Variants in CEP63 observed in about 807,000 individuals in gnomAD.
CEP63 encodes the protein centrosomal protein 63.
Under a neutral mutation model 89.1 loss-of-function variants are expected in CEP63, and 84 were observed. The observed-to-expected ratio is 0.94, with a 90% CI of 0.79 to 1.13. The LOEUF is 1.13. Among genes scored for constraint, CEP63 ranks in the 50% most tolerant of loss-of-function variants. The pLI is 0.00. For missense variants in CEP63, 838 were observed against 813.3 expected, an observed-to-expected ratio of 1.03 and a Z score of -0.37; for synonymous variants, 267 against 272.5, an observed-to-expected ratio of 0.98 and a Z score of 0.20.
the CEP63 span, among the ~76,000 whole-genome samples, chr3:134,736,562 A>T: frequency 6.6e-6 from 1 of 152,204 alleles, no homozygotes; most frequent in African/African-American, 2.4e-5. Context: ...CAGTGGGAAC[A>T]ACAACAAAAA....
the CEP63 span, among the ~76,000 whole-genome samples, chr3:134,729,163 A>G: frequency 1.3e-5 from 2 of 152,204 alleles, no homozygotes; most frequent in African/African-American, 4.8e-5. Context: ...AATCAAAACG[A>G]TACAAAATGG....
the CEP63 span, among the ~76,000 whole-genome samples, chr3:134,778,913 T>C: frequency 6.6e-6 from 1 of 152,204 alleles, no homozygotes; most frequent in Non-Finnish European, 1.5e-5. Context: ...TGTCTTCTTA[T>C]GTGGCTCCAT....
chr3:134,565,355 T>C (rs1204921974), downstream of CEP63, among the ~76,000 whole-genome samples: 3 of 152,192 alleles, frequency 2.0e-5, no homozygotes, highest in African/African-American at 7.2e-5. Context: ...CCCAAACAAT[T>C]CTTACCTTCT....
intron 3 of CEP63, among the ~76,000 whole-genome samples, chr3:134,522,738 C>T (rs529566320): frequency 4.7e-4 from 72 of 152,084 alleles, no homozygotes; most frequent in Admixed American, 2.0e-3. Context: ...CTGCAAAAGA[C>T]GTGATCTCAT....
chr3:134,531,917 G>C lies in CEP63; in HGVS notation c.295G>C (p.Glu99Gln), dbSNP rs755129440. The change falls in exon 4 of 15, where the codon GAG (glutamate) becomes CAG (glutamine). Residue 99 changes from glutamate to glutamine, a missense_variant. Coordinates refer to ENST00000675561, the MANE Select transcript of CEP63 (RefSeq NM_001353108.3). ...KQEMTMEYKQ[E>Q]LKKLHEELCI... ...AGAGATGACCATGGAATATAAGCAG[G>C]AGTTGAAGAAACTACATGAAGAAGT... 6.2e-7 allele frequency: 1 copy of C among 1,612,756 alleles called. No homozygotes were observed. The highest frequency in any genetic ancestry group is 8.5e-7 in the Non-Finnish European group (1 of 1,178,950).
intron 4 of CEP63, 125 bp from the exon 5 acceptor site, chr3:134,532,653 T>C: frequency 1.5e-6 from 1 of 680,372 alleles, no homozygotes; most frequent in Non-Finnish European, 2.5e-6. Flanking sequence ...TGTTTTAGTT[T>C]GGAAATCTAA....
chr3:134,726,453 C>T, the CEP63 span, among the ~76,000 whole-genome samples: 2 of 29,536 alleles, frequency 6.8e-5, no homozygotes, highest in Non-Finnish European at 1.7e-4. Flanking sequence ...CACAGGCACA[C>T]AGACAGACAC....
the CEP63 span, among the ~76,000 whole-genome samples, chr3:134,662,951 T>C: frequency 2.6e-5 from 4 of 152,144 alleles, no homozygotes; most frequent in African/African-American, 4.8e-5. Flanking sequence ...CTGGCCAGAA[T>C]TTGCCAGGTA....
the CEP63 span, among the ~76,000 whole-genome samples, chr3:134,611,944 T>TG: frequency 1.3e-5 from 2 of 152,262 alleles, no homozygotes; most frequent in African/African-American, 4.8e-5. Context: ...CTAATACATA[T>TG]CACTTGCTGA....
the CEP63 span, among the ~76,000 whole-genome samples, chr3:134,777,853 G>T: frequency 6.6e-6 from 1 of 151,808 alleles, no homozygotes; most frequent in Non-Finnish European, 1.5e-5. Context: ...TTGACCTTGT[G>T]ATCTGCCCAC....
the CEP63 span, among the ~76,000 whole-genome samples, chr3:134,682,872 G>A: frequency 6.6e-6 from 1 of 152,226 alleles, no homozygotes; most frequent in Non-Finnish European, 1.5e-5. Context: ...GCAGGAATGG[G>A]AGAATGGATG....
chr3:134,577,431 C>CTTTTTTTT (rs10662705), downstream of CEP63, among the ~76,000 whole-genome samples: 230 of 86,260 alleles, frequency 2.7e-3, 4 homozygotes, highest in Middle Eastern at 0.025. Context: ...TTCTAATCCA[C>CTTTTTTTT]TTTTTTTTTT....
Position 134,499,199 on chromosome 3 carries a change from GT to G in CEP63, c.44+3837del, listed in dbSNP as rs1576773952. On this transcript the variant is annotated intron_variant, in intron 2 of 14. Coordinates refer to ENST00000675561, the MANE Select transcript of CEP63 (RefSeq NM_001353108.3). ...TCTCTTGGGAGACTTTTTATTCCTG[GT>G]TCAGTCATGTTACTCATTATTGGTC... Among the ~76,000 whole-genome samples the G allele has an allele frequency of 3.3e-5, 5 of 152,172 alleles. No homozygotes were observed. In the East Asian group the frequency reaches 9.6e-4, roughly 29 times the overall value.
chr3:134,554,923 A>T (rs1470763783), intron 12 of CEP63, among the ~76,000 whole-genome samples: 3 of 151,676 alleles, frequency 2.0e-5, no homozygotes, highest in Non-Finnish European at 2.9e-5. Context: ...CCACTTTTTG[A>T]TGGGGTTGTT....
At chr3:134,730,259 C>T in the CEP63 span, among the ~76,000 whole-genome samples, 1 of 152,206 alleles carries the variant, frequency 6.6e-6, no homozygotes, top group African/African-American at 2.4e-5. Flanking sequence ...TCAGCTCAGA[C>T]AGTCTTGCCA....
At chr3:134,569,461 T>C (rs1429866269), downstream of CEP63, among the ~76,000 whole-genome samples, 2 of 152,200 alleles carry the variant, frequency 1.3e-5, no homozygotes, top group Non-Finnish European at 2.9e-5. Flanking sequence ...CCCATGCAAG[T>C]CCGAAATCCA....
At chr3:134,626,942 G>A in the CEP63 span, among the ~76,000 whole-genome samples, 1 of 152,168 alleles carries the variant, frequency 6.6e-6, no homozygotes, top group Non-Finnish European at 1.5e-5. Flanking sequence ...AGCCATCAGG[G>A]CGATCTAAGT....
chr3:134,631,595 G>A, the CEP63 span, among the ~76,000 whole-genome samples: 1 of 152,132 alleles, frequency 6.6e-6, no homozygotes, highest in Non-Finnish European at 1.5e-5. Context: ...TAGAGTAGGA[G>A]AGTGAATCTA....
the CEP63 span, among the ~76,000 whole-genome samples, chr3:134,631,288 C>A: frequency 1.3e-5 from 2 of 151,976 alleles, no homozygotes; most frequent in Non-Finnish European, 2.9e-5. Flanking sequence ...GACACATAAC[C>A]AAACTATTAA....
Sources: allele counts gnomAD v4.1 joint callset (sites outside exome capture counted in the v4.1 genomes callset), GRCh38; gene constraint gnomAD v4.1.1; transcripts MANE v1.5; gene names NCBI Gene and HGNC (gene_info 2026-07-23, HGNC 2026-07-21).